The following C8orf34 variants were observed in gnomAD, a reference collection of about 807,000 sequenced individuals.
C8orf34 encodes the protein uncharacterized protein C8orf34.
C8orf34 carries 65 observed loss-of-function variants against 68.3 expected under a neutral mutation model. The ratio of observed to expected loss-of-function variants is 0.95; its 90% CI spans 0.78 to 1.17. The LOEUF (loss-of-function observed/expected upper bound fraction) is 1.17. Ranked by LOEUF, C8orf34 falls within the 50% of genes most tolerant of loss-of-function variation. C8orf34 has a pLI of 0.00. For missense variants in C8orf34, 664 were observed against 655.4 expected (o/e 1.01, Z -0.14); for synonymous variants, 244 against 241.2 (o/e 1.01, Z -0.11).
At chr8:68,624,691 G>A (rs1012052505) in intron 7 of C8orf34, among the ~76,000 whole-genome samples, 2 of 114,222 alleles carry the variant, frequency 1.8e-5, no homozygotes, top group East Asian at 4.8e-4. Context: ...CTAGGAAATA[G>A]CGATACAGCA....
At chr8:68,675,194 A>G (rs1820144943) in intron 8 of C8orf34, among the ~76,000 whole-genome samples, 1 of 152,168 alleles carries the variant, frequency 6.6e-6, no homozygotes, top group Non-Finnish European at 1.5e-5. Context: ...GTTAATAAAC[A>G]AAACAAACAA....
At chr8:68,572,234 GACACACAC>G (rs36042681) in intron 7 of C8orf34, among the ~76,000 whole-genome samples, 6 of 145,306 alleles carry the variant, frequency 4.1e-5, no homozygotes, top group East Asian at 2.0e-4. Flanking sequence ...TGACTGTATA[GACACACAC>G]ACACACACAC....
At chr8:68,668,235 C>A (rs958748453) in intron 8 of C8orf34, among the ~76,000 whole-genome samples, 1 of 151,786 alleles carries the variant, frequency 6.6e-6, no homozygotes, top group Non-Finnish European at 1.5e-5. Flanking sequence ...GTTCTAAGTA[C>A]CAAGTTGTAT....
intron 8 of C8orf34, among the ~76,000 whole-genome samples, chr8:68,705,504 T>G (rs1821136371): frequency 6.6e-6 from 1 of 151,982 alleles, no homozygotes; most frequent in Admixed American, 6.6e-5. Flanking sequence ...CAGATGCAAA[T>G]TTCCCATTGT....
chr8:68,665,120 A>G (rs1313309578), intron 8 of C8orf34, among the ~76,000 whole-genome samples: 1 of 152,368 alleles, frequency 6.6e-6, no homozygotes, highest in East Asian at 1.9e-4. Context: ...TTTGGGAAAA[A>G]AATCATCAAA....
At position 68,463,273 on chromosome 8, in the gene C8orf34, A is replaced by C. The variant is rs545851286; in HGVS notation, c.608-5419A>C. On this transcript the variant is annotated intron_variant, in intron 3 of 13. Transcript: ENST00000518698. ...TTGAATCTCTGAATAGACCAATAAC[A>C]GGCTCTGAAATTGTGGCAATAATCA... Among the ~76,000 whole-genome samples the C allele has an allele frequency of 2.4e-4, 37 of 152,302 alleles. No individual in the cohort carries two copies. The South Asian group carries it at 3.9e-3, about 16-fold the overall frequency.
chr8:68,516,620 C>CTATTTATTTATTTATTTATTTATT (rs200892538), intron 5 of C8orf34, among the ~76,000 whole-genome samples: 105 of 150,168 alleles, frequency 7.0e-4, no homozygotes, highest in African/African-American at 2.3e-3. Flanking sequence ...ACTGGGAATG[C>CTATTTATTTATTTATTTATTTATT]TATTTATTTA....
At chr8:68,776,008 G>A (rs1051184286) in intron 10 of C8orf34, among the ~76,000 whole-genome samples, 11 of 152,166 alleles carry the variant, frequency 7.2e-5, no homozygotes, top group African/African-American at 2.7e-4. Flanking sequence ...CTGCTGTGGT[G>A]GTGGAGGGAG....
chr8:68,680,980 T>A (rs1820352582), intron 8 of C8orf34, among the ~76,000 whole-genome samples: 2 of 152,086 alleles, frequency 1.3e-5, no homozygotes, highest in African/African-American at 4.8e-5. Flanking sequence ...TTAATATTAA[T>A]ATTCCTTGCT....
chr8:68,752,287 T>C (rs1284915679), intron 10 of C8orf34, among the ~76,000 whole-genome samples: 1 of 152,246 alleles, frequency 6.6e-6, no homozygotes, highest in Non-Finnish European at 1.5e-5. Flanking sequence ...TCAAATTCTA[T>C]GAGCCAACAA....
chr8:68,397,609 C>T (rs944049556), intron 1 of C8orf34, among the ~76,000 whole-genome samples: 5 of 151,730 alleles, frequency 3.3e-5, no homozygotes, highest in African/African-American at 9.7e-5. Context: ...AGGTGGTTAC[C>T]AATCTTGGTT....
intron 7 of C8orf34, among the ~76,000 whole-genome samples, chr8:68,558,321 A>C (rs1274425594): frequency 6.6e-6 from 1 of 152,016 alleles, no homozygotes; most frequent in Non-Finnish European, 1.5e-5. Flanking sequence ...TTTGAATCTA[A>C]CTTTGATTAC....
chr8:68,610,038 T>C (rs1353488668), intron 7 of C8orf34, among the ~76,000 whole-genome samples: 1 of 152,152 alleles, frequency 6.6e-6, no homozygotes, highest in East Asian at 1.9e-4. Flanking sequence ...TCACATTCAC[T>C]CAGGAAAAAC....
At chr8:68,554,500 T>C (rs1169544786) in intron 7 of C8orf34, among the ~76,000 whole-genome samples, 1 of 152,136 alleles carries the variant, frequency 6.6e-6, no homozygotes, top group Non-Finnish European at 1.5e-5. Context: ...GTATATGAGG[T>C]ACAGTCACTC....
chr8:68,353,800 A>G (rs1233475393), intron 1 of C8orf34, among the ~76,000 whole-genome samples: 1 of 151,782 alleles, frequency 6.6e-6, no homozygotes, highest in Admixed American at 6.6e-5. Context: ...TATAATATCT[A>G]TTTACAGAGC....
chr8:68,434,578 T>G (rs1014264808), intron 1 of C8orf34, among the ~76,000 whole-genome samples: 2 of 152,206 alleles, frequency 1.3e-5, no homozygotes, highest in African/African-American at 4.8e-5. Flanking sequence ...TCCGAGTCTT[T>G]GCTATCGTAA....
At chr8:68,675,934 T>C (rs1820175644) in intron 8 of C8orf34, among the ~76,000 whole-genome samples, 1 of 151,258 alleles carries the variant, frequency 6.6e-6, no homozygotes. Flanking sequence ...AGAGCAGGAG[T>C]AGCTATACTT....
chr8:68,573,509 T>A (rs1816815821), intron 7 of C8orf34, among the ~76,000 whole-genome samples: 1 of 152,136 alleles, frequency 6.6e-6, no homozygotes, highest in Non-Finnish European at 1.5e-5. Flanking sequence ...TGCAGATGCA[T>A]GAGAGAGATT....
At chr8:68,551,741 G>A (rs1049161941) in intron 7 of C8orf34, among the ~76,000 whole-genome samples, 3 of 151,994 alleles carry the variant, frequency 2.0e-5, no homozygotes, top group African/African-American at 4.8e-5. Flanking sequence ...GTGAGTCTGT[G>A]CTTCTAGACT....
Sources: gnomAD v4.1 joint callset for allele counts (sites outside exome capture counted in the v4.1 genomes callset) on GRCh38, gnomAD v4.1.1 for gene constraint, MANE v1.5 for transcripts, NCBI Gene and HGNC (gene_info 2026-07-23, HGNC 2026-07-21) for gene names.